Variants in EMCN observed in about 807,000 individuals in gnomAD.
EMCN encodes the protein endomucin.
A neutral mutation model predicts 38.4 loss-of-function variants in EMCN; 37 were observed. That is an observed-to-expected ratio of 0.96 (90% CI 0.74 to 1.27). The LOEUF (loss-of-function observed/expected upper bound fraction) is 1.27, where lower values mean the gene tolerates loss of function less well. EMCN is among the 50% of genes most tolerant of loss of function. The pLI, the probability that EMCN is intolerant of heterozygous loss-of-function variation, is 0.00. For synonymous variants in EMCN, 95 were observed against 100.8 expected, an observed-to-expected ratio of 0.94 and a Z score of 0.35; for missense variants, 318 against 302.8, an observed-to-expected ratio of 1.05 and a Z score of -0.37.
chr4:100,514,074 T>C (rs893606319), intron 1 of EMCN, among the ~76,000 whole-genome samples: 7 of 152,218 alleles, frequency 4.6e-5, no homozygotes, highest in African/African-American at 1.7e-4. Context: ...TAAGAAATAT[T>C]TGGATTCAGG....
intron 1 of EMCN, among the ~76,000 whole-genome samples, chr4:100,508,826 C>T (rs1027726840): frequency 6.6e-6 from 1 of 152,118 alleles, no homozygotes; most frequent in Admixed American, 6.5e-5. Context: ...TTTGAACAGT[C>T]ACTATAATTC....
intron 8 of EMCN, among the ~76,000 whole-genome samples, chr4:100,419,055 T>A (rs1393934086): frequency 1.3e-5 from 2 of 152,076 alleles, no homozygotes; most frequent in Non-Finnish European, 2.9e-5. Flanking sequence ...CAGCAAAATG[T>A]ATTGAGATTT....
chr4:100,515,312 A>G (rs1729724229), intron 1 of EMCN, among the ~76,000 whole-genome samples: 1 of 152,122 alleles, frequency 6.6e-6, no homozygotes, highest in African/African-American at 2.4e-5. Flanking sequence ...GGGTCTGTTC[A>G]GTTTTAAATA....
At chr4:100,419,288 G>A (rs1189503220) in intron 8 of EMCN, among the ~76,000 whole-genome samples, 1 of 152,064 alleles carries the variant, frequency 6.6e-6, no homozygotes, top group Non-Finnish European at 1.5e-5. Flanking sequence ...TCCCAAACTA[G>A]ATAAAGTCTC....
chr4:100,459,996 T>G (rs1728131505), intron 4 of EMCN, among the ~76,000 whole-genome samples: 1 of 152,186 alleles, frequency 6.6e-6, no homozygotes, highest in Admixed American at 6.5e-5. Flanking sequence ...TGGGGGAATA[T>G]CCATACAGTT....
rs776685234 is a variant in EMCN at position 100,422,991 on chromosome 4, G to A, written c.568+30C>T. On this transcript the variant is annotated intron_variant, in intron 7 of 11. Coordinates refer to ENST00000296420, the MANE Select transcript of EMCN (RefSeq NM_016242.4). Reference sequence around the variant, plus strand: ...CATTCAAACATTCTGCATATCTACTGCCATGAATGAAGGCATTGCTGTTAC... The same window carrying A: ...CATTCAAACATTCTGCATATCTACTACCATGAATGAAGGCATTGCTGTTAC... The A allele has an allele frequency of 2.5e-6, 4 of 1,605,726 alleles. No individual in the cohort carries two copies. In the South Asian group the frequency reaches 4.4e-5, roughly 18 times the overall value.
At chr4:100,418,998 A>G (rs530895796) in intron 8 of EMCN, among the ~76,000 whole-genome samples, 35 of 152,170 alleles carry the variant, frequency 2.3e-4, no homozygotes, top group African/African-American at 7.9e-4. Flanking sequence ...ACTAATTTAC[A>G]TTTCCACCCA....
chr4:100,493,010 A>T (rs1198158996), intron 1 of EMCN, among the ~76,000 whole-genome samples: 1 of 152,206 alleles, frequency 6.6e-6, no homozygotes, highest in African/African-American at 2.4e-5. Context: ...ATAAAAAGTT[A>T]AGAAGTACAG....
At chr4:100,441,215 C>A (rs1374404399) in intron 5 of EMCN, among the ~76,000 whole-genome samples, 1 of 152,040 alleles carries the variant, frequency 6.6e-6, no homozygotes, top group Non-Finnish European at 1.5e-5. Flanking sequence ...TATATATTTA[C>A]AATTGTAATG....
intron 3 of EMCN, among the ~76,000 whole-genome samples, chr4:100,468,897 G>A (rs996508913): frequency 6.6e-6 from 1 of 151,576 alleles, no homozygotes; most frequent in Non-Finnish European, 1.5e-5. Flanking sequence ...AAATTGTATG[G>A]AAACACAAAA....
At chr4:100,439,762 A>G (rs1727458545) in intron 5 of EMCN, among the ~76,000 whole-genome samples, 1 of 151,812 alleles carries the variant, frequency 6.6e-6, no homozygotes, top group African/African-American at 2.4e-5. Flanking sequence ...GTCGGCATGT[A>G]TTGCTATAAA....
intron 3 of EMCN, among the ~76,000 whole-genome samples, chr4:100,467,882 C>A (rs779549160): frequency 7.9e-5 from 12 of 152,126 alleles, no homozygotes; most frequent in South Asian, 4.1e-4. Context: ...CCCTACAAAA[C>A]AATATGTACC....
intron 11 of EMCN, among the ~76,000 whole-genome samples, chr4:100,402,053 C>CATTATTTTT (rs1726274218): frequency 6.6e-6 from 1 of 152,078 alleles, no homozygotes; most frequent in African/African-American, 2.4e-5. Context: ...TATATAATGT[C>CATTATTTTT]ACTGTGCAAA....
rs28386790 is a variant in EMCN at position 100,463,705 on chromosome 4, A to T, written c.376+1718T>A. Reference sequence around the variant, plus strand: ...AACCACTTACCTGCTTTCTGTCCCTATAAACTGTCTTTTCTGCATATTTAC... The same window carrying T: ...AACCACTTACCTGCTTTCTGTCCCTTTAAACTGTCTTTTCTGCATATTTAC... On this transcript the variant is annotated intron_variant, in intron 4 of 11. Coordinates refer to ENST00000296420, the MANE Select transcript of EMCN (RefSeq NM_016242.4). Among the ~76,000 whole-genome samples, 1,388 of 152,198 alleles carry T rather than the reference A, an allele frequency of 9.1e-3. 20 individuals are homozygous for T. The highest frequency in any genetic ancestry group is 0.031 in the African/African-American group (1,289 of 41,552).
At chr4:100,460,158 G>T (rs1237059038) in intron 4 of EMCN, among the ~76,000 whole-genome samples, 3 of 152,012 alleles carry the variant, frequency 2.0e-5, no homozygotes, top group Admixed American at 2.0e-4. Context: ...GTTTTAATTT[G>T]CATTTCCTTG....
At chr4:100,437,099 G>T (rs189804495) in intron 5 of EMCN, among the ~76,000 whole-genome samples, 3 of 152,248 alleles carry the variant, frequency 2.0e-5, no homozygotes, top group Admixed American at 2.0e-4. Flanking sequence ...GTTATCTTTT[G>T]ACTTTTTGAT....
intron 11 of EMCN, among the ~76,000 whole-genome samples, chr4:100,399,483 C>T (rs773796625): frequency 3.9e-5 from 6 of 152,078 alleles, no homozygotes; most frequent in Non-Finnish European, 8.8e-5. Context: ...AGGACATTGG[C>T]GGCTATGGCC....
chr4:100,431,181 T>A (rs917777820), intron 5 of EMCN, among the ~76,000 whole-genome samples: 1 of 152,114 alleles, frequency 6.6e-6, no homozygotes, highest in Admixed American at 6.6e-5. Flanking sequence ...TTCTATCAGA[T>A]GTAATGACCA....
At chr4:100,488,878 C>T (rs916669455) in intron 1 of EMCN, among the ~76,000 whole-genome samples, 2 of 151,788 alleles carry the variant, frequency 1.3e-5, no homozygotes, top group African/African-American at 2.4e-5. Flanking sequence ...TTATTTTTAC[C>T]TTCTAAAAAA....
Sources: allele counts gnomAD v4.1 joint callset (sites outside exome capture counted in the v4.1 genomes callset), GRCh38; gene constraint gnomAD v4.1.1; transcripts MANE v1.5; gene names NCBI Gene and HGNC (gene_info 2026-07-23, HGNC 2026-07-21).